Variants in MTARC2 observed in about 807,000 individuals in gnomAD.
MTARC2 encodes MOCO sulphurase C-terminal domain containing 2.
MTARC2 carries 27 observed loss-of-function variants against 35.6 expected under a neutral mutation model. The ratio of observed to expected loss-of-function variants is 0.76; its 90% CI spans 0.56 to 1.04. MTARC2 has a LOEUF of 1.04. MTARC2 is among the 50% of genes least tolerant of loss of function. The probability of loss-of-function intolerance (pLI) is 0.00; values close to 1 mark genes in which losing one functional copy is unlikely to be tolerated. For missense variants in MTARC2, 412 were observed against 432.5 expected (o/e 0.95, Z 0.42); for synonymous variants, 158 against 167.1 (o/e 0.95, Z 0.42).
In MTARC2 at chr1:220,771,296, CAAAAAAAAAAAA is replaced by C. The variant is rs57776178; in HGVS notation, c.750+8258_750+8269del. Among the ~76,000 whole-genome samples the C allele has an allele frequency of 8.6e-4, 49 of 57,106 alleles. 2 individuals are homozygous for C. The highest frequency in any genetic ancestry group is 1.3e-3 in the Non-Finnish European group (40 of 29,888). 37.5% of individuals were successfully genotyped at this position (57,106 alleles called of 152,430 possible). Reference sequence around the variant, plus strand: ...CCTTGGTGACAGAGTGAGACTGTCTCAAAAAAAAAAAAAAAAAAAAAAAGCCTTAGGCTTCTG... The same window carrying C: ...CCTTGGTGACAGAGTGAGACTGTCTCAAAAAAAAAAAGCCTTAGGCTTCTG... On this transcript the variant is annotated intron_variant, in intron 4 of 7. Coordinates refer to ENST00000366913, the MANE Select transcript of MTARC2 (RefSeq NM_017898.5).
chr1:220,770,860 C>T (rs1006225556), intron 4 of MTARC2, among the ~76,000 whole-genome samples: 2 of 152,246 alleles, frequency 1.3e-5, no homozygotes, highest in East Asian at 1.9e-4. Flanking sequence ...ACACAGACGG[C>T]GTCAGCCTGC....
intron 4 of MTARC2, among the ~76,000 whole-genome samples, chr1:220,765,053 A>C (rs419746): frequency 4.6e-5 from 7 of 152,172 alleles, no homozygotes; most frequent in Admixed American, 4.6e-4. Flanking sequence ...CACTTAGAAG[A>C]TACCAGAGAT....
At chr1:220,768,406 G>T (rs753399940) in intron 4 of MTARC2, among the ~76,000 whole-genome samples, 3 of 152,122 alleles carry the variant, frequency 2.0e-5, no homozygotes, top group Admixed American at 2.0e-4. Flanking sequence ...CCATTGAGGC[G>T]GGTAGTGTTT....
chr1:220,774,058 G>T (rs1671821370), intron 4 of MTARC2, among the ~76,000 whole-genome samples: 1 of 149,498 alleles, frequency 6.7e-6, no homozygotes, highest in Admixed American at 6.8e-5. Context: ...AATAGATATA[G>T]ACTCACATCC....
intron 2 of MTARC2, among the ~76,000 whole-genome samples, chr1:220,759,915 G>T (rs1180795790): frequency 6.6e-6 from 1 of 152,162 alleles, no homozygotes; most frequent in Non-Finnish European, 1.5e-5. Flanking sequence ...ATTGTGAGTT[G>T]CAGGGTACAC....
chr1:220,774,120 C>T (rs951706125), intron 4 of MTARC2, among the ~76,000 whole-genome samples: 11 of 150,708 alleles, frequency 7.3e-5, no homozygotes, highest in Non-Finnish European at 1.0e-4. Context: ...TGCTGGAGTG[C>T]GGTGACGTGA....
rs146069296 is a variant in MTARC2, at chr1:220,771,041, G to A, written c.750+7991G>A. On this transcript the variant is annotated intron_variant, in intron 4 of 7. Coordinates refer to ENST00000366913, the MANE Select transcript of MTARC2 (RefSeq NM_017898.5). ...AGTCCAGGCTCCGTGGCTCACGCCT[G>A]TAATCCCAGCACTTTGGGAGGCCGA... Among the ~76,000 whole-genome samples, 64 of 152,294 alleles carry A rather than the reference G, an allele frequency of 4.2e-4. No individual in the cohort carries two copies. The East Asian group carries it at 0.012, about 28-fold the overall frequency.
chr1:220,767,531 C>T (rs337148), intron 4 of MTARC2, among the ~76,000 whole-genome samples: 54,321 of 151,968 alleles, frequency 0.36, 12,223 homozygotes, highest in East Asian at 0.75. Flanking sequence ...GCTTGAGTTC[C>T]GGGAATGCAG....
At chr1:220,782,091 C>G (rs552503765) in intron 7 of MTARC2, among the ~76,000 whole-genome samples, 159 bp downstream of exon 7, 1 of 152,126 alleles carries the variant, frequency 6.6e-6, no homozygotes, top group Non-Finnish European at 1.5e-5. Context: ...TTTCTGTTCC[C>G]TGCAGTAATT....
At chr1:220,773,964 A>C (rs1451653620) in intron 4 of MTARC2, among the ~76,000 whole-genome samples, 2 of 148,430 alleles carry the variant, frequency 1.3e-5, no homozygotes, top group South Asian at 4.4e-4. Context: ...ATTATATATA[A>C]ACACACACAC....
chr1:220,779,868 C>T (rs1672018440), intron 4 of MTARC2, 150 bp from the exon 5 acceptor site: 2 of 551,868 alleles, frequency 3.6e-6, no homozygotes, highest in Admixed American at 4.3e-5. Context: ...TTCTGCCTCC[C>T]TTTGAGTCCT....
chr1:220,777,163 C>T (rs951097697), intron 4 of MTARC2, among the ~76,000 whole-genome samples: 3 of 152,164 alleles, frequency 2.0e-5, no homozygotes, highest in African/African-American at 7.2e-5. Flanking sequence ...TTGGTTGGAC[C>T]GTGGCGTTTA....
intron 7 of MTARC2, among the ~76,000 whole-genome samples, chr1:220,783,095 G>GCATAAT (rs1291393098): frequency 6.6e-5 from 10 of 152,264 alleles, no homozygotes; most frequent in Admixed American, 5.2e-4. Context: ...CTAGGTATTT[G>GCATAAT]CATAACCATA....
intron 6 of MTARC2, 51 bp from the exon 7 acceptor site, chr1:220,781,727 C>G: frequency 6.2e-7 from 1 of 1,602,352 alleles, no homozygotes; most frequent in Middle Eastern, 1.7e-4. Flanking sequence ...GAGAATACTT[C>G]GATTATTATT....
Position 220,783,965 on chromosome 1 carries a change from A to C in MTARC2, c.*78A>C. ...TGACTGAGATCTTAACAACAGCAGC[A>C]ACGATACATCAGCAAATCCTTATTA... On this transcript the variant is annotated 3_prime_UTR_variant, in exon 8 of 8. Coordinates refer to ENST00000366913, the MANE Select transcript of MTARC2 (RefSeq NM_017898.5). 2 of 717,480 alleles carry C rather than the reference A, an allele frequency of 2.8e-6. No individual in the cohort carries two copies. Among genetic ancestry groups the C allele is most frequent in the Non-Finnish European group, 5.2e-6 (2 of 385,074 alleles). The allele number at this position is 717,480 out of a possible 1,614,324, so 44.4% of individuals were successfully genotyped here.
chr1:220,763,151 C>T (rs1201441741), intron 4 of MTARC2, 101 bp downstream of exon 4: 4 of 1,496,016 alleles, frequency 2.7e-6, no homozygotes, highest in Non-Finnish European at 3.7e-6. Context: ...CGCCAGGGTC[C>T]AGTCATTCAC....
At chr1:220,762,511 C>T (rs1671466492) in intron 3 of MTARC2, among the ~76,000 whole-genome samples, 1 of 152,174 alleles carries the variant, frequency 6.6e-6, no homozygotes, top group Non-Finnish European at 1.5e-5. Context: ...CCCACTAGAA[C>T]AGTGCCTGGT....
At chr1:220,770,062 G>A (rs1017046709) in intron 4 of MTARC2, among the ~76,000 whole-genome samples, 6 of 151,722 alleles carry the variant, frequency 4.0e-5, no homozygotes, top group Non-Finnish European at 7.4e-5. Flanking sequence ...AGCCGAGATC[G>A]CGCCACTACA....
chr1:220,758,738 T>G (rs953573648), intron 2 of MTARC2, among the ~76,000 whole-genome samples: 90 of 152,202 alleles, frequency 5.9e-4, no homozygotes, highest in Non-Finnish European at 1.2e-3. Context: ...TCTTAAAAGG[T>G]GAAGCTAATG....
Sources: gnomAD v4.1 joint callset for allele counts (sites outside exome capture counted in the v4.1 genomes callset) on GRCh38, gnomAD v4.1.1 for gene constraint, MANE v1.5 for transcripts, NCBI Gene and HGNC (gene_info 2026-07-23, HGNC 2026-07-21) for gene names.